CYP26C1: variants seen among roughly 807,000 people sequenced by gnomAD.
CYP26C1 encodes cytochrome P450 26C1.
Under a neutral mutation model 39.1 loss-of-function variants are expected in CYP26C1, and 41 were observed. The ratio of observed to expected loss-of-function variants is 1.05; its 90% confidence interval spans 0.82 to 1.36. The LOEUF (loss-of-function observed/expected upper bound fraction) is 1.36. CYP26C1 is among the 40% of genes most tolerant of loss of function. The pLI, the probability that CYP26C1 is intolerant of heterozygous loss-of-function variation, is 0.00. For synonymous variants in CYP26C1, 362 were observed against 350.8 expected, an observed-to-expected ratio of 1.03 and a Z score of -0.36; for missense variants, 833 against 752.0, an observed-to-expected ratio of 1.11 and a Z score of -1.26.
intron 4 of CYP26C1, among the ~76,000 whole-genome samples, chr10:93,065,622 C>T (rs143146648): frequency 3.9e-5 from 6 of 152,254 alleles, no homozygotes; most frequent in East Asian, 3.9e-4. Context: ...TTGTGCCTCA[C>T]AGAGGGGAGG....
In CYP26C1 at chr10:93,062,703, C is replaced by G; in HGVS notation, c.430-17C>G. The G allele has an allele frequency of 7.2e-7, 1 of 1,396,546 alleles. No homozygotes were observed. Among genetic ancestry groups the G allele is most frequent in the Non-Finnish European group, 9.2e-7 (1 of 1,085,300 alleles). 86.5% of individuals were successfully genotyped at this position (1,396,546 alleles called of 1,614,324 possible). ...AGGCCAGACCGCCGCCAGCGCTGATCACGCGCGCTCCCACAGGTCCTGGCG... is the reference window on the plus strand; with the variant it reads ...AGGCCAGACCGCCGCCAGCGCTGATGACGCGCGCTCCCACAGGTCCTGGCG... On this transcript the variant is annotated splice_polypyrimidine_tract_variant and intron_variant, in intron 2 of 5. Coordinates refer to ENST00000651965, the MANE Select transcript of CYP26C1 (RefSeq NM_183374.3).
rs1846746851 is a variant in CYP26C1, at chr10:93,061,421, C to A, written c.158C>A (p.Ser53Tyr). ...TCCACCCTGCCTCTGCCCAAGGGCT[C>A]CATGGGGTGGCCCTTCTTCGGCGAA... is the stretch of plus-strand genomic sequence containing the variant. Reference protein sequence around the residue: ...RASTLPLPKGSMGWPFFGETL... With the variant: ...RASTLPLPKGYMGWPFFGETL... The change falls in exon 1 of 6, where the codon TCC becomes TAC. Residue 53 changes from serine (S) to tyrosine (Y), a missense_variant. Transcript: ENST00000651965. The A allele has an allele frequency of 6.4e-7, 1 of 1,557,646 alleles. No homozygotes were observed. Among genetic ancestry groups the A allele is most frequent in the East Asian group, 2.4e-5 (1 of 41,654 alleles).
chr10:93,061,525 T>G (rs1846749015), intron 1 of CYP26C1, 58 bp downstream of exon 1: 5 of 1,533,852 alleles, frequency 3.3e-6, no homozygotes, highest in Non-Finnish European at 3.5e-6. Context: ...CGGCTCCCAC[T>G]GGACCCTCCT....
Position 93,068,369 on chromosome 10 carries a change from C to G in CYP26C1, c.1241C>G (p.Thr414Arg). The G allele has an allele frequency of 6.4e-7, 1 of 1,571,898 alleles. No individual in the cohort carries two copies. Reference protein sequence around the residue: ...GWSVMYSIRDTHETAAVYRSP... With the variant: ...GWSVMYSIRDRHETAAVYRSP... ...AGCGTGATGTATAGCATCCGGGACA[C>G]GCACGAGACGGCTGCGGTGTACCGC... The change falls in exon 6 of 6, where the codon ACG (threonine) becomes AGG (arginine). Residue 414 changes from threonine (T) to arginine (R), a missense_variant. Physicochemically the swap from Thr to Arg is moderately conservative, Grantham distance 71 (BLOSUM62 -1). Transcript: ENST00000651965.
At position 93,066,078 on chromosome 10, in the gene CYP26C1, G is replaced by T. The variant is rs1312401077; in HGVS notation, c.984G>T (p.Ala328=). The change falls in exon 5 of 6, where the codon GCG becomes GCT. Residue 328 remains alanine, a synonymous_variant. Coordinates refer to ENST00000651965, the MANE Select transcript of CYP26C1 (RefSeq NM_183374.3). ...AIAKIREELV[A]QGLGRACGCA... ...CCAAGATTCGGGAGGAGCTGGTGGCGCAGGGGCTGGGGCGCGCGTGCGGCT... is the reference window on the plus strand; with the variant it reads ...CCAAGATTCGGGAGGAGCTGGTGGCTCAGGGGCTGGGGCGCGCGTGCGGCT... The T allele has an allele frequency of 2.0e-6, 3 of 1,476,122 alleles. No individual in the cohort carries two copies. The highest frequency in any genetic ancestry group is 2.4e-5 in the Admixed American group (1 of 42,066). 91.4% of individuals were successfully genotyped at this position (1,476,122 alleles called of 1,614,324 possible). A position where few individuals can be genotyped will look rare whatever the true frequency, so the allele number is the denominator to read the frequency against.
chr10:93,061,886 T>C lies in CYP26C1; in HGVS notation c.205-124T>C, dbSNP rs868582239. 1.9e-5 allele frequency: 18 copies of C among 926,674 alleles called. No individual in the cohort carries two copies. The Middle Eastern group carries it at 1.6e-3, about 84-fold the overall frequency. The allele number at this position is 926,674 out of a possible 1,614,324, so 57.4% of individuals were successfully genotyped here. A position where few individuals can be genotyped will look rare whatever the true frequency, so the allele number is the denominator to read the frequency against. ...GAGTAGATACCAGGCCCACTGGGGA[T>C]CTTGTTTTGTAAACGCGCCAGCCAG... On this transcript the variant is annotated intron_variant, in intron 1 of 5. Coordinates refer to ENST00000651965, the MANE Select transcript of CYP26C1 (RefSeq NM_183374.3).
chr10:93,063,948 C>T, intron 3 of CYP26C1: 1 of 993,678 alleles, frequency 1.0e-6, no homozygotes, highest in South Asian at 4.6e-5. Context: ...CTTACAAATC[C>T]AATAGTGTCC....
Position 93,068,659 on chromosome 10 carries a change from C to T in CYP26C1, c.1531C>T (p.Leu511Phe), listed in dbSNP as rs779598921. ...VDGLRLFFHPLTPSVAGNGLC... is the reference protein window; with the variant it reads ...VDGLRLFFHPFTPSVAGNGLC... ...CGGGCTGCGGCTCTTTTTCCACCCC[C>T]TCACGCCTTCGGTTGCGGGGAATGG... The change falls in exon 6 of 6, where the codon CTC becomes TTC. Residue 511 changes from leucine (L) to phenylalanine (F), a missense_variant. By Grantham distance (22) the Leu-to-Phe change is conservative (BLOSUM62 0). Coordinates refer to ENST00000651965, the MANE Select transcript of CYP26C1 (RefSeq NM_183374.3). The T allele has an allele frequency of 3.2e-6, 5 of 1,584,820 alleles. No individual in the cohort carries two copies. The highest frequency in any genetic ancestry group is 1.3e-5 in the African/African-American group (1 of 74,378).
At chr10:93,064,219 C>T (rs1199162496) in intron 3 of CYP26C1, 162 bp from the exon 4 acceptor site, 1 of 1,424,574 alleles carries the variant, frequency 7.0e-7, no homozygotes, top group Non-Finnish European at 9.2e-7. Flanking sequence ...TATCCCCGAC[C>T]ATTTACTGAG....
rs1250110324 is a variant in CYP26C1, at chr10:93,062,762, G to A, written c.472G>A (p.Val158Met). Residue 158 changes from valine (V) to methionine (M), a missense_variant, in exon 3 of 6, where the codon GTG becomes ATG. Val to Met is a conservative substitution (Grantham distance 21). Coordinates refer to ENST00000651965, the MANE Select transcript of CYP26C1 (RefSeq NM_183374.3). Reference sequence around the variant, plus strand: ...CAGCCGCGCCGCGCTGGAGCGCTACGTGCCGCGCCTGCAGGGGGCGCTGCG... The same window carrying A: ...CAGCCGCGCCGCGCTGGAGCGCTACATGCCGCGCCTGCAGGGGGCGCTGCG... ...VFSRAALERY[V>M]PRLQGALRHE... is the part of the protein sequence containing the mutation. The A allele has an allele frequency of 6.7e-7, 1 of 1,500,356 alleles. No individual in the cohort carries two copies. Among genetic ancestry groups the A allele is most frequent in the Non-Finnish European group, 8.8e-7 (1 of 1,133,010 alleles). 92.9% of individuals were successfully genotyped at this position (1,500,356 alleles called of 1,614,324 possible). A position where few individuals can be genotyped will look rare whatever the true frequency, so the allele number is the denominator to read the frequency against.
intron 2 of CYP26C1, 112 bp from the exon 3 acceptor site, chr10:93,062,608 T>A: frequency 9.9e-7 from 1 of 1,013,782 alleles, no homozygotes; most frequent in East Asian, 2.9e-5. Flanking sequence ...AGTTTAGGTC[T>A]GGGCCGCTTG....
chr10:93,062,203 C>T lies in CYP26C1; in HGVS notation c.398C>T (p.Ala133Val), dbSNP rs373243793. Residue 133 changes from alanine to valine, a missense_variant, in exon 2 of 6, where the codon GCG becomes GTG. Ala to Val is a moderately conservative substitution (Grantham distance 64). Transcript: ENST00000651965. ...ILLGSHTLLG[A>V]VGEPHRRRRK... ...CTGGGCTCGCACACACTGCTAGGTG[C>T]GGTCGGCGAGCCGCACCGGCGGCGG... The T allele has an allele frequency of 1.6e-5, 24 of 1,526,302 alleles. No homozygotes were observed. The African/African-American group carries it at 3.2e-4, about 20-fold the overall frequency. The allele number at this position is 1,526,302 out of a possible 1,614,324, so 94.5% of individuals were successfully genotyped here.
At chr10:93,063,834 G>A in intron 3 of CYP26C1, 2 of 985,784 alleles carry the variant, frequency 2.0e-6, no homozygotes, top group Non-Finnish European at 2.4e-6. Flanking sequence ...TGGAACTCAA[G>A]TGCTGAATTA....
chr10:93,062,207 C>G lies in CYP26C1; in HGVS notation c.402C>G (p.Val134=), dbSNP rs1846759593. 6 of 1,524,686 alleles carry G rather than the reference C, an allele frequency of 3.9e-6. No individual in the cohort carries two copies. The East Asian group carries it at 1.5e-4, about 38-fold the overall frequency. The allele number at this position is 1,524,686 out of a possible 1,614,324, so 94.4% of individuals were successfully genotyped here. ...LLGSHTLLGA[V]GEPHRRRRKV... is the part of the protein sequence containing the mutation. ...GCTCGCACACACTGCTAGGTGCGGT[C>G]GGCGAGCCGCACCGGCGGCGGCGCA... The change falls in exon 2 of 6, where the codon GTC becomes GTG. Residue 134 remains valine (V), a synonymous_variant. Transcript: ENST00000651965.
intron 4 of CYP26C1, among the ~76,000 whole-genome samples, chr10:93,065,007 T>C (rs1846806383): frequency 6.6e-6 from 1 of 152,206 alleles, no homozygotes. Context: ...TGGCACCTGG[T>C]ACCTCTATCC....
chr10:93,066,435 C>A, intron 5 of CYP26C1, 150 bp downstream of exon 5: 1 of 748,662 alleles, frequency 1.3e-6, no homozygotes, highest in Non-Finnish European at 1.8e-6. Context: ...GAGCCTCAGC[C>A]TTCCGTCCTA....
At chr10:93,063,051 T>TGG (rs1846773340) in intron 3 of CYP26C1, 56 bp downstream of exon 3, 5 of 1,502,388 alleles carry the variant, frequency 3.3e-6, no homozygotes, top group Non-Finnish European at 4.4e-6. Context: ...CGGGCGGGCC[T>TGG]CCCAGACCCA....
Position 93,068,394 on chromosome 10 carries a change from C to T in CYP26C1, c.1266C>T (p.Arg422=). ...RDTHETAAVY[R]SPPEGFDPER... ...CGCACGAGACGGCTGCGGTGTACCG[C>T]AGCCCTCCCGAAGGCTTCGATCCAG... The change falls in exon 6 of 6, where the codon CGC becomes CGT. Residue 422 remains arginine, a synonymous_variant. Transcript: ENST00000651965. 1 of 1,606,680 alleles carries T rather than the reference C, an allele frequency of 6.2e-7. No individual in the cohort carries two copies. Among genetic ancestry groups the T allele is most frequent in the South Asian group, 1.1e-5 (1 of 90,334 alleles).
chr10:93,062,727 C>A lies in CYP26C1; in HGVS notation c.437C>A (p.Ala146Glu). 7.0e-7 allele frequency: 1 copy of A among 1,424,988 alleles called. No homozygotes were observed. The highest frequency in any genetic ancestry group is 1.5e-5 in the South Asian group (1 of 65,764). 88.3% of individuals were successfully genotyped at this position (1,424,988 alleles called of 1,614,324 possible). A position where few individuals can be genotyped will look rare whatever the true frequency, so the allele number is the denominator to read the frequency against. The change falls in exon 3 of 6, where the codon GCG becomes GAG. Residue 146 changes from alanine to glutamate, a missense_variant. By Grantham distance (107) the Ala-to-Glu change is moderately radical (BLOSUM62 -1). Transcript: ENST00000651965. ...TCACGCGCGCTCCCACAGGTCCTGG[C>A]GCGCGTGTTCAGCCGCGCCGCGCTG... ...EPHRRRRKVL[A>E]RVFSRAALER... is the part of the protein sequence containing the mutation.
Sources: gnomAD v4.1 joint callset for allele counts (sites outside exome capture counted in the v4.1 genomes callset) on GRCh38, gnomAD v4.1.1 for gene constraint, MANE v1.5 for transcripts, NCBI Gene and HGNC (gene_info 2026-07-23, HGNC 2026-07-21) for gene names.